ERBB4: variants seen among roughly 807,000 people sequenced by gnomAD.
ERBB4 encodes the protein receptor tyrosine-protein kinase erbB-4.
ERBB4 carries 42 observed loss-of-function variants against 158.0 expected under a neutral mutation model. The observed-to-expected ratio is 0.27, with a 90% CI of 0.21 to 0.34. The LOEUF is 0.34. Among genes scored for constraint, ERBB4 ranks in the 10% least tolerant of loss-of-function variants. The pLI, the probability that ERBB4 is intolerant of heterozygous loss-of-function variation, is 1.00. For synonymous variants in ERBB4, 583 were observed against 558.7 expected (o/e 1.04, Z -0.61); for missense variants, 1,333 against 1,624.1 (o/e 0.82, Z 3.08).
rs149785656 is a variant in ERBB4 at position 212,362,909 on chromosome 2, G to A, written c.82+175540C>T. The stretch of plus-strand genomic sequence containing the variant: ...AGGCAGTTGTCAAATATTACTTACA[G>A]CCTAATTTTTAAAATTTGTGCCATG... On this transcript the variant is annotated intron_variant, in intron 1 of 27. Transcript: ENST00000342788. 6.6e-5 allele frequency among the ~76,000 whole-genome samples: 10 copies of A among 151,142 alleles called. No homozygotes were observed. The East Asian group carries it at 1.9e-3, about 29-fold the overall frequency.
chr2:211,610,014 T>C (rs933779698), intron 19 of ERBB4, among the ~76,000 whole-genome samples: 2 of 152,142 alleles, frequency 1.3e-5, no homozygotes, highest in African/African-American at 2.4e-5. Context: ...GCTATCCTTG[T>C]AAAGTAGACG....
chr2:211,848,764 T>A (rs530954998), intron 3 of ERBB4, among the ~76,000 whole-genome samples: 1 of 152,182 alleles, frequency 6.6e-6, no homozygotes, highest in South Asian at 2.1e-4. Flanking sequence ...TTCTTGGACC[T>A]CTTTCTAGAG....
chr2:212,086,561 G>C (rs1239548796), intron 2 of ERBB4, among the ~76,000 whole-genome samples: 1 of 151,780 alleles, frequency 6.6e-6, no homozygotes, highest in African/African-American at 2.4e-5. Flanking sequence ...TATGAATGTG[G>C]TAATCAAGGC....
chr2:211,924,144 T>TA (rs760378865), intron 3 of ERBB4, among the ~76,000 whole-genome samples: 5 of 152,218 alleles, frequency 3.3e-5, no homozygotes, highest in Non-Finnish European at 7.4e-5. Flanking sequence ...GACTTGTCCC[T>TA]ATTAGTCCTC....
At chr2:212,020,973 AATC>A (rs2076636033) in intron 2 of ERBB4, among the ~76,000 whole-genome samples, 1 of 152,174 alleles carries the variant, frequency 6.6e-6, no homozygotes, top group African/African-American at 2.4e-5. Context: ...AAGAAGAGGT[AATC>A]ATAATGTATT....
intron 1 of ERBB4, among the ~76,000 whole-genome samples, chr2:212,300,489 T>A (rs1381399804): frequency 1.3e-5 from 2 of 151,532 alleles, no homozygotes; most frequent in East Asian, 3.9e-4. Context: ...ACGTCTGAAT[T>A]TTTCTTGTGA....
intron 17 of ERBB4, among the ~76,000 whole-genome samples, chr2:211,624,398 C>T (rs975443525): frequency 3.3e-5 from 5 of 152,004 alleles, no homozygotes; most frequent in Non-Finnish European, 7.4e-5. Flanking sequence ...ACAAATGTGT[C>T]AGAGGAGAGG....
intron 1 of ERBB4, among the ~76,000 whole-genome samples, chr2:212,453,163 A>G (rs1293647071): frequency 6.6e-6 from 1 of 152,194 alleles, no homozygotes. Context: ...TAAAAATGTT[A>G]TATGATGATA....
chr2:212,356,084 T>A (rs1185355978), intron 1 of ERBB4, among the ~76,000 whole-genome samples: 1 of 152,062 alleles, frequency 6.6e-6, no homozygotes, highest in African/African-American at 2.4e-5. Flanking sequence ...ATCCTTACAA[T>A]TATTATATAT....
chr2:211,979,756 G>A (rs2081736508), intron 2 of ERBB4, among the ~76,000 whole-genome samples: 2 of 152,066 alleles, frequency 1.3e-5, no homozygotes. Context: ...ATCCTTCCAT[G>A]AACACATGCT....
At chr2:211,562,601 A>G (rs1213114727) in intron 19 of ERBB4, among the ~76,000 whole-genome samples, 1 of 152,130 alleles carries the variant, frequency 6.6e-6, no homozygotes, top group African/African-American at 2.4e-5. Context: ...ATTACAAGTA[A>G]TATGTCTATT....
At chr2:211,438,378 G>A (rs925978016) in intron 20 of ERBB4, among the ~76,000 whole-genome samples, 11 of 152,068 alleles carry the variant, frequency 7.2e-5, no homozygotes, top group African/African-American at 2.7e-4. Flanking sequence ...AATCATCTTA[G>A]TGCATCCTAA....
intron 7 of ERBB4, among the ~76,000 whole-genome samples, chr2:211,719,552 T>C (rs1307777112): frequency 1.3e-5 from 2 of 152,106 alleles, no homozygotes; most frequent in African/African-American, 2.4e-5. Flanking sequence ...GCTGCTAGCA[T>C]GCTGTTCAAG....
At chr2:212,066,283 G>A (rs896869735) in intron 2 of ERBB4, among the ~76,000 whole-genome samples, 10 of 151,844 alleles carry the variant, frequency 6.6e-5, no homozygotes, top group African/African-American at 2.4e-4. Context: ...ACTTTCCATA[G>A]CCACTTAACA....
Position 211,622,238 on chromosome 2 carries a change from T to C in ERBB4, c.2202+1684A>G, listed in dbSNP as rs552047105. Among the ~76,000 whole-genome samples, 16 of 152,324 alleles carry C rather than the reference T, an allele frequency of 1.1e-4. 1 individual carries two copies. The South Asian group carries it at 3.3e-3, about 32-fold the overall frequency. ...TACAAACTTTAAGGATATAAAATGA[T>C]ACAGTCTGAGTCTGTTTTTTTCTAG... is the stretch of plus-strand genomic sequence containing the variant. On this transcript the variant is annotated intron_variant, in intron 18 of 27. Coordinates refer to ENST00000342788, the MANE Select transcript of ERBB4 (RefSeq NM_005235.3).
chr2:211,852,574 A>G (rs756678331), intron 3 of ERBB4, among the ~76,000 whole-genome samples: 6 of 151,330 alleles, frequency 4.0e-5, no homozygotes, highest in African/African-American at 4.8e-5. Flanking sequence ...ATTCCCCTAT[A>G]ATGTTGATGA....
intron 19 of ERBB4, among the ~76,000 whole-genome samples, chr2:211,588,253 C>CAA (rs2068348044): frequency 6.6e-6 from 1 of 152,014 alleles, no homozygotes; most frequent in African/African-American, 2.4e-5. Context: ...TTTGGGCAAG[C>CAA]ATTGAGTAAA....
chr2:211,790,593 T>G (rs773093830), intron 3 of ERBB4, among the ~76,000 whole-genome samples: 1 of 152,140 alleles, frequency 6.6e-6, no homozygotes, highest in African/African-American at 2.4e-5. Context: ...GGAAAAGGGA[T>G]TTAGAAAGGA....
rs16847210 is a variant in ERBB4, at chr2:211,928,215, T to C, written c.421+19215A>G. Among the ~76,000 whole-genome samples, 697 of 152,282 alleles carry C rather than the reference T, an allele frequency of 4.6e-3. 7 individuals carry two copies. Among genetic ancestry groups the C allele is most frequent in the Admixed American group, 0.032 (493 of 15,274 alleles). ...CTTTGCGTGAGTGAACAAATCTTGT[T>C]AAATTTCATGCCCTGAACTTCATCT... On this transcript the variant is annotated intron_variant, in intron 3 of 27. Coordinates refer to ENST00000342788, the MANE Select transcript of ERBB4 (RefSeq NM_005235.3).
Sources: allele counts gnomAD v4.1 joint callset (sites outside exome capture counted in the v4.1 genomes callset), GRCh38; gene constraint gnomAD v4.1.1; transcripts MANE v1.5; gene names NCBI Gene and HGNC (gene_info 2026-07-23, HGNC 2026-07-21).